The following PTPRR variants were observed in gnomAD, a reference collection of about 807,000 sequenced individuals.
The protein encoded by PTPRR is receptor-type tyrosine-protein phosphatase R.
Under a neutral mutation model 77.2 loss-of-function variants are expected in PTPRR, and 38 were observed. The observed-to-expected ratio is 0.49, with a 90% CI of 0.38 to 0.65. PTPRR has a LOEUF of 0.65. Ranked by LOEUF, PTPRR falls within the 30% of genes least tolerant of loss-of-function variation. The pLI is 0.00. For synonymous variants in PTPRR, 299 were observed against 283.1 expected (o/e 1.06, Z -0.57); for missense variants, 744 against 799.2 (o/e 0.93, Z 0.83).
intron 8 of PTPRR, among the ~76,000 whole-genome samples, chr12:70,694,157 C>T (rs61932462): frequency 6.6e-6 from 1 of 151,824 alleles, no homozygotes; most frequent in African/African-American, 2.4e-5. Flanking sequence ...ATGAGTGGTT[C>T]ACTTATTTGC....
rs960039677 is a variant in PTPRR, at chr12:70,748,972, C to T, written c.739-2886G>A. On this transcript the variant is annotated intron_variant, in intron 5 of 13. Coordinates refer to ENST00000283228, the MANE Select transcript of PTPRR (RefSeq NM_002849.4). ...AAGATAAATGTGTAAAAATTATGTT[C>T]AGTACAAAGTACTAAGTGCAAAAAT... Among the ~76,000 whole-genome samples, 11 of 152,126 alleles carry T rather than the reference C, an allele frequency of 7.2e-5. 1 individual carries two copies. The East Asian group carries it at 9.6e-4, about 13-fold the overall frequency.
intron 2 of PTPRR, among the ~76,000 whole-genome samples, chr12:70,827,503 G>A (rs1892131682): frequency 6.6e-6 from 1 of 151,688 alleles, no homozygotes; most frequent in Non-Finnish European, 1.5e-5. Flanking sequence ...AGGGGGTAAG[G>A]GAGCTCTCCA....
intron 8 of PTPRR, among the ~76,000 whole-genome samples, chr12:70,685,259 G>A (rs938614070): frequency 2.6e-5 from 4 of 151,972 alleles, no homozygotes; most frequent in African/African-American, 7.3e-5. Flanking sequence ...CTGATCTTCC[G>A]AGATGGATGA....
intron 12 of PTPRR, 92 bp from the exon 13 acceptor site, chr12:70,656,909 A>G (rs1352660906): frequency 3.5e-6 from 3 of 855,720 alleles, no homozygotes; most frequent in Non-Finnish European, 5.6e-6. Context: ...ATCTGAAACC[A>G]CAGTTAAAAG....
chr12:70,908,244 G>C (rs1278220829), intron 1 of PTPRR, among the ~76,000 whole-genome samples: 1 of 152,098 alleles, frequency 6.6e-6, no homozygotes, highest in African/African-American at 2.4e-5. Flanking sequence ...TCTCACCATA[G>C]TAATGATACT....
At chr12:70,698,384 A>T in intron 7 of PTPRR, 35 bp from the exon 8 acceptor site, 1 of 1,558,872 alleles carries the variant, frequency 6.4e-7, no homozygotes, top group Non-Finnish European at 8.8e-7. Flanking sequence ...TAGTGTATCT[A>T]ATACTGCCAC....
chr12:70,788,981 TTC>T, intron 2 of PTPRR: 1 of 1,038,284 alleles, frequency 9.6e-7, no homozygotes. Context: ...CTGGTACTGT[TTC>T]TAGAGACACT....
At chr12:70,772,451 C>A (rs1237502567) in intron 2 of PTPRR, among the ~76,000 whole-genome samples, 2 of 152,068 alleles carry the variant, frequency 1.3e-5, no homozygotes, top group Non-Finnish European at 2.9e-5. Context: ...TTTTTACCTG[C>A]AAGTATATTC....
At chr12:70,860,952 T>C (rs935606887) in intron 2 of PTPRR, among the ~76,000 whole-genome samples, 1 of 152,164 alleles carries the variant, frequency 6.6e-6, no homozygotes, top group African/African-American at 2.4e-5. Context: ...TTAAATTGTT[T>C]TCTAGAACTT....
intron 5 of PTPRR, among the ~76,000 whole-genome samples, chr12:70,746,759 A>C (rs930928853): frequency 6.6e-6 from 1 of 152,106 alleles, no homozygotes; most frequent in South Asian, 2.1e-4. Context: ...TGCTGTGATC[A>C]TAGCTCACTG....
intron 8 of PTPRR, among the ~76,000 whole-genome samples, chr12:70,694,999 C>CA (rs137903560): frequency 0.061 from 9,254 of 152,074 alleles, 319 homozygotes; most frequent in African/African-American, 0.099. Context: ...TATTTGTTTA[C>CA]ACTGCAAAAT....
At chr12:70,826,881 C>T (rs1426722277) in intron 2 of PTPRR, among the ~76,000 whole-genome samples, 1 of 152,206 alleles carries the variant, frequency 6.6e-6, no homozygotes, top group Non-Finnish European at 1.5e-5. Flanking sequence ...TTAATCACTG[C>T]CTCCCAGTGA....
At chr12:70,862,536 A>G (rs995098882) in intron 2 of PTPRR, among the ~76,000 whole-genome samples, 1 of 143,802 alleles carries the variant, frequency 7.0e-6, no homozygotes, top group African/African-American at 2.6e-5. Flanking sequence ...TGGGAATTGA[A>G]CAATGAGAAC....
chr12:70,660,158 T>C lies in PTPRR; in HGVS notation c.1766+782A>G, dbSNP rs558673858. 6.2e-5 allele frequency among the ~76,000 whole-genome samples: 9 copies of C among 145,988 alleles called. No individual in the cohort carries two copies. The East Asian group carries it at 1.6e-3, about 26-fold the overall frequency. On this transcript the variant is annotated intron_variant, in intron 12 of 13. Transcript: ENST00000283228. ...CGCCACTGCACTCCAGCCTGGGTGA[T>C]AGAGTGAGACTCTGTCTCATAATAA...
intron 2 of PTPRR, among the ~76,000 whole-genome samples, chr12:70,799,242 T>C (rs1312828475): frequency 2.6e-5 from 4 of 152,206 alleles, no homozygotes; most frequent in Admixed American, 2.0e-4. Context: ...GTTGGATATG[T>C]ATACCATATA....
intron 13 of PTPRR, among the ~76,000 whole-genome samples, chr12:70,646,647 A>G (rs1886209880): frequency 6.6e-6 from 1 of 152,226 alleles, no homozygotes; most frequent in Admixed American, 6.5e-5. Context: ...GTAAATCCAC[A>G]CCAATTTCTA....
At chr12:70,877,859 G>A (rs1213156727) in intron 2 of PTPRR, among the ~76,000 whole-genome samples, 2 of 152,044 alleles carry the variant, frequency 1.3e-5, no homozygotes, top group African/African-American at 2.4e-5. Flanking sequence ...ATACTACAAG[G>A]CTACAGTAAC....
intron 2 of PTPRR, among the ~76,000 whole-genome samples, chr12:70,809,778 G>A (rs556917123): frequency 9.0e-4 from 137 of 152,120 alleles, no homozygotes; most frequent in African/African-American, 3.1e-3. Context: ...CTATCAATAC[G>A]AACAATTCAA....
At chr12:70,867,430 T>C (rs1892873866) in intron 2 of PTPRR, among the ~76,000 whole-genome samples, 1 of 152,006 alleles carries the variant, frequency 6.6e-6, no homozygotes, top group South Asian at 2.1e-4. Context: ...TGAACTCCCA[T>C]TCACAATTGC....
Sources: gnomAD v4.1 joint callset for allele counts (sites outside exome capture counted in the v4.1 genomes callset) on GRCh38, gnomAD v4.1.1 for gene constraint, MANE v1.5 for transcripts, NCBI Gene and HGNC (gene_info 2026-07-23, HGNC 2026-07-21) for gene names.